DZIP3: variants seen among roughly 807,000 people sequenced by gnomAD.
DZIP3 encodes the protein DAZ interacting zinc finger protein 3.
DZIP3 carries 118 observed loss-of-function variants against 162.0 expected under a neutral mutation model. The observed-to-expected ratio is 0.73, with a 90% CI of 0.63 to 0.85. The LOEUF (loss-of-function observed/expected upper bound fraction) is 0.85, where lower values mean the gene tolerates loss of function less well. Ranked by LOEUF, DZIP3 falls within the 40% of genes least tolerant of loss-of-function variation. The probability of loss-of-function intolerance (pLI) is 0.00; values close to 1 mark genes in which losing one functional copy is unlikely to be tolerated. For synonymous variants in DZIP3, 438 were observed against 458.6 expected, an observed-to-expected ratio of 0.96 and a Z score of 0.57; for missense variants, 1,331 against 1,407.0, an observed-to-expected ratio of 0.95 and a Z score of 0.86.
chr3:108,659,674 A>G (rs889148598), intron 19 of DZIP3, among the ~76,000 whole-genome samples: 10 of 149,162 alleles, frequency 6.7e-5, no homozygotes, highest in East Asian at 2.0e-4. Context: ...AGGGTATTCA[A>G]TTAGGAAAAG....
At chr3:108,653,526 T>TATATATATATATATATATAC (rs1942969120) in intron 18 of DZIP3, among the ~76,000 whole-genome samples, 1 of 145,620 alleles carries the variant, frequency 6.9e-6, no homozygotes, top group Non-Finnish European at 1.5e-5. Flanking sequence ...TATATATATA[T>TATATATATATATATATATAC]ATATATATAT....
chr3:108,591,978 C>CAAAAA (rs34569028), intron 1 of DZIP3, among the ~76,000 whole-genome samples: 1 of 110,384 alleles, frequency 9.1e-6, no homozygotes, highest in Non-Finnish European at 2.0e-5. Flanking sequence ...GAGACCCTGT[C>CAAAAA]AAAAAAAAAA....
chr3:108,662,250 G>A lies in DZIP3; in HGVS notation c.2416G>A (p.Val806Ile), dbSNP rs749600283. ...ACAAGTTGCTTTTGGAATCAATAAG[G>A]TTTCCAAGTAAGTGTAAATCTTTTG... ...NQQVAFGINKVSKLQRQIHAK... is the reference protein window; with the variant it reads ...NQQVAFGINKISKLQRQIHAK... The change falls in exon 21 of 33, where the codon GTT becomes ATT. Residue 806 changes from valine (V) to isoleucine (I), a missense_variant. Physicochemically the swap from Val to Ile is conservative, Grantham distance 29. Coordinates refer to ENST00000361582, the MANE Select transcript of DZIP3 (RefSeq NM_014648.4). 3.1e-6 allele frequency: 5 copies of A among 1,588,010 alleles called. No homozygotes were observed. Among genetic ancestry groups the A allele is most frequent in the East Asian group, 4.5e-5 (2 of 44,732 alleles).
chr3:108,673,062 T>TA (rs776996503), intron 23 of DZIP3, among the ~76,000 whole-genome samples: 9 of 151,994 alleles, frequency 5.9e-5, no homozygotes, highest in Non-Finnish European at 1.3e-4. Context: ...CACCTGAATG[T>TA]AAAAAACCAG....
At chr3:108,620,656 A>C (rs953502542) in intron 5 of DZIP3, among the ~76,000 whole-genome samples, 3 of 152,206 alleles carry the variant, frequency 2.0e-5, no homozygotes, top group Non-Finnish European at 2.9e-5. Flanking sequence ...TCCCTAATCT[A>C]TCTCATCTCA....
intron 21 of DZIP3, among the ~76,000 whole-genome samples, chr3:108,669,094 G>A (rs1418880518): frequency 6.6e-6 from 1 of 151,820 alleles, no homozygotes; most frequent in Non-Finnish European, 1.5e-5. Flanking sequence ...CTGATCACAG[G>A]CTATAGATTC....
At chr3:108,641,807 C>T (rs1942412462) in intron 12 of DZIP3, among the ~76,000 whole-genome samples, 1 of 152,158 alleles carries the variant, frequency 6.6e-6, no homozygotes, top group Non-Finnish European at 1.5e-5. Context: ...ACCAAAATCC[C>T]TTTCCTCATT....
intron 12 of DZIP3, among the ~76,000 whole-genome samples, chr3:108,637,832 T>G (rs979224801): frequency 1.3e-5 from 2 of 152,216 alleles, no homozygotes; most frequent in African/African-American, 4.8e-5. Context: ...TAGTTTGTTA[T>G]GAAATACTTT....
At chr3:108,618,006 G>T (rs1414953796) in intron 5 of DZIP3, among the ~76,000 whole-genome samples, 1 of 152,230 alleles carries the variant, frequency 6.6e-6, no homozygotes, top group Non-Finnish European at 1.5e-5. Context: ...GTCTATTGCT[G>T]TATCTAAATT....
intron 1 of DZIP3, among the ~76,000 whole-genome samples, chr3:108,604,970 G>A (rs981489462): frequency 5.3e-5 from 8 of 152,166 alleles, no homozygotes; most frequent in African/African-American, 1.9e-4. Context: ...GAAATTAAAT[G>A]ACCAACTATA....
At chr3:108,618,933 C>T (rs569937743) in intron 5 of DZIP3, among the ~76,000 whole-genome samples, 8 of 151,562 alleles carry the variant, frequency 5.3e-5, no homozygotes, top group East Asian at 1.9e-4. Context: ...TGGTGGCATG[C>T]GCCTGTAATC....
chr3:108,639,715 T>C (rs888785046), intron 12 of DZIP3, among the ~76,000 whole-genome samples: 2 of 152,050 alleles, frequency 1.3e-5, no homozygotes, highest in African/African-American at 4.8e-5. Flanking sequence ...CTATCAATTT[T>C]GTTGATCTTT....
chr3:108,661,732 G>C (rs952794631), intron 19 of DZIP3, 145 bp from the exon 20 acceptor site: 8 of 589,154 alleles, frequency 1.4e-5, no homozygotes, highest in South Asian at 5.2e-5. Context: ...TGCTGTAATT[G>C]AGGGGAGGTG....
intron 25 of DZIP3, among the ~76,000 whole-genome samples, chr3:108,676,115 A>G (rs1196887036): frequency 6.6e-6 from 1 of 150,742 alleles, no homozygotes; most frequent in Non-Finnish European, 1.5e-5. Context: ...CCTCACACCT[A>G]GCTTTCCTAG....
rs1002533089 is a variant in DZIP3, at chr3:108,693,728, A to G, written c.*375A>G. On this transcript the variant is annotated 3_prime_UTR_variant, in exon 33 of 33. Coordinates refer to ENST00000361582, the MANE Select transcript of DZIP3 (RefSeq NM_014648.4). ...ATATGCAAACTAAATCACTCGCTCAATTGAATAATTGAGATCTTCTGTTCA... is the reference window on the plus strand; with the variant it reads ...ATATGCAAACTAAATCACTCGCTCAGTTGAATAATTGAGATCTTCTGTTCA... The G allele has an allele frequency of 3.3e-5, 5 of 152,180 alleles. No homozygotes were observed. The highest frequency in any genetic ancestry group is 9.7e-5 in the African/African-American group (4 of 41,450). The allele number at this position is 152,180 out of a possible 1,614,324, so 9.4% of individuals were successfully genotyped here. A position where few individuals can be genotyped will look rare whatever the true frequency, so the allele number is the denominator to read the frequency against.
intron 28 of DZIP3, among the ~76,000 whole-genome samples, chr3:108,687,197 C>T (rs1231555509): frequency 6.6e-6 from 1 of 151,866 alleles, no homozygotes. Context: ...AATATATATA[C>T]TGGCACACTT....
chr3:108,593,040 A>G (rs1360528864), intron 1 of DZIP3, among the ~76,000 whole-genome samples: 1 of 151,950 alleles, frequency 6.6e-6, no homozygotes, highest in Non-Finnish European at 1.5e-5. Context: ...GATATTCATC[A>G]TGTTTAAGAG....
intron 5 of DZIP3, among the ~76,000 whole-genome samples, chr3:108,620,941 C>T (rs1941300628): frequency 6.6e-6 from 1 of 152,202 alleles, no homozygotes; most frequent in Non-Finnish European, 1.5e-5. Context: ...TCTGCCTCAG[C>T]CTCCCGAGTA....
chr3:108,629,289 A>G, intron 8 of DZIP3, 113 bp downstream of exon 8: 1 of 699,538 alleles, frequency 1.4e-6, no homozygotes, highest in Non-Finnish European at 2.3e-6. Flanking sequence ...TTTATACAAG[A>G]AACAACCTTT....
Sources: gnomAD v4.1 joint callset for allele counts (sites outside exome capture counted in the v4.1 genomes callset) on GRCh38, gnomAD v4.1.1 for gene constraint, MANE v1.5 for transcripts, NCBI Gene and HGNC (gene_info 2026-07-23, HGNC 2026-07-21) for gene names.